The following DNAJB6 variants were observed in gnomAD, a reference collection of about 807,000 sequenced individuals.
DNAJB6 encodes DnaJ heat shock protein family (Hsp40) member B6.
In DNAJB6, 16 loss-of-function variants were observed where a neutral mutation model predicts 42.7. That is an observed-to-expected ratio of 0.37 (90% CI 0.25 to 0.57). DNAJB6 has a LOEUF of 0.57. DNAJB6 is among the 20% of genes least tolerant of loss of function. The pLI is 0.74. For missense variants in DNAJB6, 347 were observed against 416.8 expected, an observed-to-expected ratio of 0.83 and a Z score of 1.46; for synonymous variants, 170 against 163.5, an observed-to-expected ratio of 1.04 and a Z score of -0.30.
intron 5 of DNAJB6, among the ~76,000 whole-genome samples, chr7:157,370,437 C>T (rs1262942454): frequency 6.6e-6 from 1 of 152,088 alleles, no homozygotes; most frequent in Non-Finnish European, 1.5e-5. Flanking sequence ...TTAAACAGGT[C>T]CTTTCTTAAC....
intron 1 of DNAJB6, among the ~76,000 whole-genome samples, chr7:157,356,376 T>TG (rs1308810328): frequency 6.6e-6 from 1 of 152,230 alleles, no homozygotes; most frequent in Non-Finnish European, 1.5e-5. Context: ...TTGTGTGCTG[T>TG]GACTGATGGG....
rs1481886363 is a variant in DNAJB6 at position 157,409,908 on chromosome 7, C to T, written c.805C>T (p.Leu269=). The T allele has an allele frequency of 2.6e-6, 4 of 1,534,970 alleles. No homozygotes were observed. Among genetic ancestry groups the T allele is most frequent in the African/African-American group, 2.7e-5 (2 of 73,056 alleles). Residue 269 remains leucine, a synonymous_variant, in exon 9 of 10, where the codon CTG becomes TTG. Coordinates refer to ENST00000262177, the MANE Select transcript of DNAJB6 (RefSeq NM_058246.4). ...GAAGCCGCCCCGGCCTGCCTCGCTG[C>T]TGAGACACGCGCCTCACTGTCTCTC... ...PPKPPRPASL[L]RHAPHCLSEE...
rs1480675395 is a variant in DNAJB6, at chr7:157,342,291, C to T, written c.-27+5147C>T. ...CAAGTGATTCTCCTACCTCAGGCTC[C>T]GGAGTAGCTGGGATTACAGGCACGT... On this transcript the variant is annotated intron_variant, in intron 1 of 9. Coordinates refer to ENST00000262177, the MANE Select transcript of DNAJB6 (RefSeq NM_058246.4). 2.7e-5 allele frequency among the ~76,000 whole-genome samples: 4 copies of T among 150,478 alleles called. No individual in the cohort carries two copies. In the East Asian group the frequency reaches 7.8e-4, roughly 29 times the overall value.
intron 8 of DNAJB6, among the ~76,000 whole-genome samples, chr7:157,389,890 T>C (rs1801256978): frequency 6.6e-6 from 1 of 152,214 alleles, no homozygotes. Flanking sequence ...AACTGTTCAC[T>C]AAGGACTCGA....
intron 8 of DNAJB6, chr7:157,386,028 T>C: frequency 1.0e-6 from 1 of 991,476 alleles, no homozygotes; most frequent in South Asian, 4.7e-5. Context: ...GAAGTTAACA[T>C]TGCCAGGACG....
chr7:157,341,868 C>G (rs547165735), intron 1 of DNAJB6, among the ~76,000 whole-genome samples: 1 of 152,074 alleles, frequency 6.6e-6, no homozygotes, highest in African/African-American at 2.4e-5. Context: ...AGTACTTAAC[C>G]GAGTGTTGCT....
chr7:157,358,504 A>G, intron 1 of DNAJB6, 43 bp from the exon 2 acceptor site: 1 of 1,347,454 alleles, frequency 7.4e-7, no homozygotes, highest in Non-Finnish European at 1.1e-6. Context: ...TGATTTGCCC[A>G]TCCCCAGCAG....
intron 1 of DNAJB6, among the ~76,000 whole-genome samples, chr7:157,352,081 C>T (rs921460760): frequency 3.3e-5 from 5 of 151,884 alleles, no homozygotes; most frequent in Non-Finnish European, 7.4e-5. Context: ...CCTGTATTCC[C>T]AGCACTTTAG....
intron 1 of DNAJB6, among the ~76,000 whole-genome samples, chr7:157,344,753 A>G (rs1437635084): frequency 1.3e-5 from 2 of 151,976 alleles, no homozygotes; most frequent in Admixed American, 6.6e-5. Flanking sequence ...AGCTGGGACT[A>G]CAGGTGCACA....
chr7:157,387,852 GTTTGTTTT>G (rs1421098590), intron 8 of DNAJB6, among the ~76,000 whole-genome samples: 1 of 151,788 alleles, frequency 6.6e-6, no homozygotes, highest in African/African-American at 2.4e-5. Context: ...TTGTTTGTTT[GTTTGTTTT>G]TTTGAGACGG....
At chr7:157,368,803 G>A in intron 5 of DNAJB6, 1 of 166,264 alleles carries the variant, frequency 6.0e-6, no homozygotes, top group Admixed American at 5.7e-5. Context: ...ATTGCCTGGA[G>A]CTTGGGTGAA....
At chr7:157,365,881 C>G (rs1323854554) in intron 3 of DNAJB6, among the ~76,000 whole-genome samples, 1 of 151,632 alleles carries the variant, frequency 6.6e-6, no homozygotes, top group Non-Finnish European at 1.5e-5. Flanking sequence ...CCAGGCTGCT[C>G]TCGAACTCCT....
At chr7:157,339,231 A>G (rs150712967) in intron 1 of DNAJB6, among the ~76,000 whole-genome samples, 1 of 146,906 alleles carries the variant, frequency 6.8e-6, no homozygotes, top group Non-Finnish European at 1.5e-5. Context: ...TCTTCAACCT[A>G]GATAACCTAA....
In DNAJB6 at chr7:157,406,510, A is replaced by G. The variant is rs191592512; in HGVS notation, c.692-3285A>G. On this transcript the variant is annotated intron_variant, in intron 8 of 9. Transcript: ENST00000262177. ...GTGTGCCAGCCCCAGCCTTCCTCCCAAGTGAGTGGGGGAGGGAGGCTTCTG... is the reference window on the plus strand; with the variant it reads ...GTGTGCCAGCCCCAGCCTTCCTCCCGAGTGAGTGGGGGAGGGAGGCTTCTG... Among the ~76,000 whole-genome samples, 301 of 152,186 alleles carry G rather than the reference A, an allele frequency of 2.0e-3. 1 individual carries two copies. The highest frequency in any genetic ancestry group is 6.7e-3 in the African/African-American group (278 of 41,522).
intron 8 of DNAJB6, among the ~76,000 whole-genome samples, chr7:157,392,367 T>G (rs1192001834): frequency 1.3e-5 from 2 of 152,000 alleles, no homozygotes; most frequent in African/African-American, 4.8e-5. Context: ...GGGTTTTTTT[T>G]TTTTTTTTGG....
chr7:157,396,994 A>G (rs1801618180), intron 8 of DNAJB6, among the ~76,000 whole-genome samples: 2 of 151,988 alleles, frequency 1.3e-5, no homozygotes, highest in South Asian at 4.2e-4. Flanking sequence ...AATGTGCCTC[A>G]CTCCAGGTCC....
At chr7:157,369,529 G>GT in intron 5 of DNAJB6, 2 of 387,206 alleles carry the variant, frequency 5.2e-6, no homozygotes, top group Non-Finnish European at 1.0e-5. Flanking sequence ...AACAGGCCCT[G>GT]CTTAACATTA....
intron 5 of DNAJB6, among the ~76,000 whole-genome samples, chr7:157,373,466 T>C (rs1335077214): frequency 1.3e-5 from 2 of 152,202 alleles, no homozygotes. Context: ...TTCTCTTGCC[T>C]CAGCCTCCCA....
chr7:157,349,973 G>T (rs1798884486), intron 1 of DNAJB6, among the ~76,000 whole-genome samples: 1 of 152,128 alleles, frequency 6.6e-6, no homozygotes, highest in African/African-American at 2.4e-5. Context: ...ATTTTTAGTA[G>T]ATTCAGAGTC....
Sources: allele counts gnomAD v4.1 joint callset (sites outside exome capture counted in the v4.1 genomes callset), GRCh38; gene constraint gnomAD v4.1.1; transcripts MANE v1.5; gene names NCBI Gene and HGNC (gene_info 2026-07-23, HGNC 2026-07-21).